KAT14: variants seen among roughly 807,000 people sequenced by gnomAD.
KAT14 encodes lysine acetyltransferase 14.
A neutral mutation model predicts 78.4 loss-of-function variants in KAT14; 66 were observed. The ratio of observed to expected loss-of-function variants is 0.84; its 90% CI spans 0.69 to 1.03. The LOEUF is 1.03. KAT14 is among the 50% of genes least tolerant of loss of function. The pLI, the probability that KAT14 is intolerant of heterozygous loss-of-function variation, is 0.00. For synonymous variants in KAT14, 344 were observed against 359.4 expected (o/e 0.96, Z 0.48); for missense variants, 870 against 972.5 (o/e 0.89, Z 1.40).
intron 7 of KAT14, among the ~76,000 whole-genome samples, chr20:18,165,177 T>C (rs781649245): frequency 4.9e-4 from 74 of 152,228 alleles, no homozygotes; most frequent in Non-Finnish European, 8.8e-4. Context: ...ATTATTCTTT[T>C]GCTTTTTAAA....
rs753925771 is a variant in KAT14, at chr20:18,161,757, A to C, written c.683-66A>C. 3 of 1,539,214 alleles carry C rather than the reference A, an allele frequency of 1.9e-6. No homozygotes were observed. In the Middle Eastern group the frequency reaches 5.3e-4, roughly 273 times the overall value. ...AAAAGCCGAAAACATCTGAAATCCA[A>C]AACATGCTTGTGCCCAAGCATTTCA... On this transcript the variant is annotated intron_variant, in intron 5 of 10. Transcript: ENST00000688188.
intron 7 of KAT14, among the ~76,000 whole-genome samples, chr20:18,171,349 A>G (rs2146476625): frequency 6.6e-6 from 1 of 152,360 alleles, no homozygotes. Flanking sequence ...TGGATGAGCA[A>G]AGAAAGTGGT....
At chr20:18,150,969 C>T (rs759730724) in intron 4 of KAT14, 27 bp downstream of exon 4, 1 of 1,609,318 alleles carries the variant, frequency 6.2e-7, no homozygotes, top group Non-Finnish European at 8.5e-7. Flanking sequence ...AAATCTTATA[C>T]TTCAAGGAAT....
At chr20:18,150,761 C>A in intron 3 of KAT14, 60 bp from the exon 4 acceptor site, 13 of 1,604,822 alleles carry the variant, frequency 8.1e-6, no homozygotes, top group Non-Finnish European at 1.0e-5. Context: ...CTTTTCCCCC[C>A]TCAAGATTAA....
At chr20:18,155,046 G>A (rs976187256) in intron 4 of KAT14, among the ~76,000 whole-genome samples, 1 of 152,054 alleles carries the variant, frequency 6.6e-6, no homozygotes. Flanking sequence ...CACCATGCAC[G>A]ACTAATTTTT....
At chr20:18,137,520 C>T (rs1319019493), upstream of KAT14, among the ~76,000 whole-genome samples, 1 of 152,142 alleles carries the variant, frequency 6.6e-6, no homozygotes, top group Non-Finnish European at 1.5e-5. Context: ...CGGTATTGGG[C>T]GAAGCTTCTG....
At chr20:18,185,507 T>G (rs2039423183) in intron 10 of KAT14, among the ~76,000 whole-genome samples, 2 of 152,354 alleles carry the variant, frequency 1.3e-5, no homozygotes, top group South Asian at 4.1e-4. Flanking sequence ...AGCTACATAT[T>G]TTATTTTTGC....
intron 9 of KAT14, 167 bp downstream of exon 9, chr20:18,183,465 A>G: frequency 1.0e-6 from 1 of 976,410 alleles, no homozygotes; most frequent in Non-Finnish European, 1.2e-6. Context: ...TGCTTTCCCA[A>G]AATCTAGAAG....
At chr20:18,181,091 A>G (rs1396944587) in intron 7 of KAT14, among the ~76,000 whole-genome samples, 1 of 152,226 alleles carries the variant, frequency 6.6e-6, no homozygotes, top group African/African-American at 2.4e-5. Context: ...AGTGAAGCCT[A>G]GAGAAGCTGC....
At chr20:18,180,693 C>T (rs6075291) in intron 7 of KAT14, among the ~76,000 whole-genome samples, 9,203 of 152,202 alleles carry the variant, frequency 0.06, 294 homozygotes, top group Middle Eastern at 0.085. Flanking sequence ...AGGTGAAAGA[C>T]ACTTCTTAGT....
At chr20:18,182,538 C>G (rs1376197147) in intron 8 of KAT14, among the ~76,000 whole-genome samples, 1 of 152,172 alleles carries the variant, frequency 6.6e-6, no homozygotes. Context: ...AAGCAGTTTC[C>G]AATAATGAAT....
chr20:18,180,036 T>G (rs916872568), intron 7 of KAT14, among the ~76,000 whole-genome samples: 2 of 152,038 alleles, frequency 1.3e-5, no homozygotes, highest in Non-Finnish European at 2.9e-5. Context: ...GCCTGGCTAA[T>G]TTTTGCATTT....
chr20:18,146,349 G>A (rs972881423), intron 3 of KAT14, among the ~76,000 whole-genome samples: 6 of 152,008 alleles, frequency 3.9e-5, no homozygotes, highest in Admixed American at 1.3e-4. Flanking sequence ...CCTGGGCAAC[G>A]TGGTGAAACC....
intron 4 of KAT14, among the ~76,000 whole-genome samples, chr20:18,155,443 C>T (rs2038192950): frequency 6.6e-6 from 1 of 151,974 alleles, no homozygotes; most frequent in African/African-American, 2.4e-5. Context: ...TTGTAGCATC[C>T]AGGGTGGGCA....
chr20:18,147,114 T>C (rs968289278), intron 3 of KAT14, among the ~76,000 whole-genome samples: 1 of 152,246 alleles, frequency 6.6e-6, no homozygotes, highest in African/African-American at 2.4e-5. Context: ...TTTAGCCACT[T>C]ATGGTGTTCC....
chr20:18,173,809 T>C (rs983221574), intron 7 of KAT14, among the ~76,000 whole-genome samples: 3 of 152,208 alleles, frequency 2.0e-5, no homozygotes, highest in Admixed American at 6.5e-5. Flanking sequence ...CTATTTCTTA[T>C]GCTTTTTCTT....
intron 7 of KAT14, among the ~76,000 whole-genome samples, chr20:18,179,309 T>C (rs765757647): frequency 1.3e-5 from 2 of 152,190 alleles, no homozygotes; most frequent in African/African-American, 2.4e-5. Flanking sequence ...ACTGCCCCAG[T>C]AGGGACTCTG....
At position 18,161,991 on chromosome 20, in the gene KAT14, G is replaced by T. The variant is rs756655555; in HGVS notation, c.851G>T (p.Ser284Ile). 7 of 1,614,132 alleles carry T rather than the reference G, an allele frequency of 4.3e-6. No homozygotes were observed. Among genetic ancestry groups the T allele is most frequent in the Non-Finnish European group, 1.7e-6 (2 of 1,180,052 alleles). ...GAGGCCGCTGGCTTTCTTGACAGGA[G>T]CACATCTTCTACCCCTGTAAAATTC... ...QKEAAGFLDR[S>I]TSSTPVKFIS... Residue 284 changes from serine to isoleucine, a missense_variant, in exon 6 of 11, where the codon AGC (serine) becomes ATC (isoleucine). Physicochemically the swap from Ser to Ile is moderately radical, Grantham distance 142 (BLOSUM62 -2). Transcript: ENST00000688188.
At chr20:18,183,493 T>G (rs763315304) in intron 9 of KAT14, 195 bp downstream of exon 9, 2 of 982,918 alleles carry the variant, frequency 2.0e-6, no homozygotes, top group Non-Finnish European at 2.4e-6. Flanking sequence ...CAATAAACAG[T>G]GTTTTTGTTT....
Sources: gnomAD v4.1 joint callset for allele counts (sites outside exome capture counted in the v4.1 genomes callset) on GRCh38, gnomAD v4.1.1 for gene constraint, MANE v1.5 for transcripts, NCBI Gene and HGNC (gene_info 2026-07-23, HGNC 2026-07-21) for gene names.